EXT1: variants seen among roughly 807,000 people sequenced by gnomAD.
The protein encoded by EXT1 is exostosin glycosyltransferase 1.
In EXT1, 20 loss-of-function variants were observed where a neutral mutation model predicts 82.5. The ratio of observed to expected loss-of-function variants is 0.24; its 90% CI spans 0.17 to 0.35. EXT1 has a LOEUF of 0.35. Among genes scored for constraint, EXT1 ranks in the 10% least tolerant of loss-of-function variants. The pLI is 1.00. For synonymous variants in EXT1, 348 were observed against 350.8 expected, an observed-to-expected ratio of 0.99 and a Z score of 0.09; for missense variants, 757 against 936.5, an observed-to-expected ratio of 0.81 and a Z score of 2.50.
chr8:118,099,178 T>C (rs1220080161), intron 1 of EXT1, among the ~76,000 whole-genome samples: 3 of 152,230 alleles, frequency 2.0e-5, no homozygotes, highest in Admixed American at 6.5e-5. Flanking sequence ...CAGTAGGTGT[T>C]GGACTTGGAA....
intron 1 of EXT1, among the ~76,000 whole-genome samples, chr8:117,895,087 G>C (rs549292188): frequency 6.6e-6 from 1 of 152,094 alleles, no homozygotes; most frequent in Non-Finnish European, 1.5e-5. Flanking sequence ...CTGTCAATTC[G>C]ATCATGATGT....
intron 10 of EXT1, among the ~76,000 whole-genome samples, chr8:117,802,902 C>G (rs117537948): frequency 1.7e-3 from 252 of 152,300 alleles, no homozygotes; most frequent in Admixed American, 3.9e-3. Flanking sequence ...TACTAAATAA[C>G]TTTTTATAAA....
chr8:118,037,189 T>C lies in EXT1; in HGVS notation c.962+72896A>G, dbSNP rs532685590. On this transcript the variant is annotated intron_variant, in intron 1 of 10. Coordinates refer to ENST00000378204, the MANE Select transcript of EXT1 (RefSeq NM_000127.3). ...CTTCAGAATGTTTTCCAGAATAATC[T>C]AAGTAAAATGTCTGTGGGAAACAAA... 3.3e-5 allele frequency among the ~76,000 whole-genome samples: 5 copies of C among 152,228 alleles called. No individual in the cohort carries two copies. In the South Asian group the frequency reaches 1.0e-3, roughly 32 times the overall value.
chr8:117,955,804 G>A (rs530456633), intron 1 of EXT1, among the ~76,000 whole-genome samples: 4 of 152,238 alleles, frequency 2.6e-5, no homozygotes, highest in African/African-American at 9.6e-5. Flanking sequence ...CAATTTGCCT[G>A]CCTTAGCCTC....
chr8:117,965,119 A>G (rs1163065628), intron 1 of EXT1, among the ~76,000 whole-genome samples: 1 of 150,494 alleles, frequency 6.6e-6, no homozygotes, highest in Non-Finnish European at 1.5e-5. Context: ...TGAGATACGT[A>G]GTGTCTTGTT....
chr8:117,801,645 A>T (rs1175886425), intron 10 of EXT1, among the ~76,000 whole-genome samples: 3 of 152,194 alleles, frequency 2.0e-5, no homozygotes, highest in African/African-American at 2.4e-5. Context: ...ATCTGGGATT[A>T]CAGGTGCACA....
At chr8:117,895,000 G>A (rs1265159396) in intron 1 of EXT1, among the ~76,000 whole-genome samples, 2 of 152,158 alleles carry the variant, frequency 1.3e-5, no homozygotes, top group Non-Finnish European at 2.9e-5. Flanking sequence ...GCATCAACTG[G>A]CAAATACAAT....
At chr8:117,890,123 A>AGG (rs1813217779) in intron 1 of EXT1, among the ~76,000 whole-genome samples, 1 of 152,226 alleles carries the variant, frequency 6.6e-6, no homozygotes, top group Non-Finnish European at 1.5e-5. Flanking sequence ...ATAGTAACTT[A>AGG]TTTCAGTGGT....
intron 1 of EXT1, among the ~76,000 whole-genome samples, chr8:118,069,116 C>T (rs1285742508): frequency 6.6e-6 from 1 of 152,182 alleles, no homozygotes; most frequent in Non-Finnish European, 1.5e-5. Flanking sequence ...GGAAGCAAGT[C>T]ATACGAAATA....
chr8:118,024,795 G>A (rs943264488), intron 1 of EXT1, among the ~76,000 whole-genome samples: 1 of 152,218 alleles, frequency 6.6e-6, no homozygotes, highest in Non-Finnish European at 1.5e-5. Flanking sequence ...AGGCTGGAGA[G>A]TTGGAGGGAA....
chr8:118,091,499 G>A (rs1817523109), intron 1 of EXT1, among the ~76,000 whole-genome samples: 1 of 152,142 alleles, frequency 6.6e-6, no homozygotes, highest in Admixed American at 6.5e-5. Context: ...AGCACTTTGG[G>A]AGGCCGAGGC....
chr8:118,061,269 C>T (rs879621676), intron 1 of EXT1, among the ~76,000 whole-genome samples: 4 of 152,140 alleles, frequency 2.6e-5, no homozygotes, highest in Non-Finnish European at 4.4e-5. Context: ...ACAAAGACAG[C>T]TCATGCAAAA....
At chr8:117,875,465 T>A (rs967334400) in intron 1 of EXT1, among the ~76,000 whole-genome samples, 8 of 137,956 alleles carry the variant, frequency 5.8e-5, no homozygotes, top group Admixed American at 1.5e-4. Flanking sequence ...AATAAATAAA[T>A]AAAATAATAA....
intron 1 of EXT1, among the ~76,000 whole-genome samples, chr8:117,843,302 T>C (rs910324663): frequency 3.3e-5 from 5 of 152,176 alleles, no homozygotes; most frequent in African/African-American, 9.7e-5. Flanking sequence ...ACAACATGTG[T>C]TATCAAATGA....
rs1455203965 is a variant in EXT1, at chr8:117,837,101, C to T, written c.1056+7G>A. The T allele has an allele frequency of 1.2e-6, 2 of 1,612,472 alleles. No individual in the cohort carries two copies. The highest frequency in any genetic ancestry group is 1.3e-5 in the African/African-American group (1 of 74,900). On this transcript the variant is annotated splice_region_variant and intron_variant, in intron 2 of 10. Coordinates refer to ENST00000378204, the MANE Select transcript of EXT1 (RefSeq NM_000127.3). ...CCCTATTCTGGGAAGGCTCCAGGGC[C>T]TCTTACCTGCAAAGCCTCCAGGAAT... is the stretch of plus-strand genomic sequence containing the variant.
chr8:117,804,470 T>C (rs1027989514), intron 10 of EXT1, among the ~76,000 whole-genome samples: 3 of 152,240 alleles, frequency 2.0e-5, no homozygotes, highest in South Asian at 2.1e-4. Context: ...TCTAAAGACA[T>C]ATCTTTCTCA....
intron 1 of EXT1, among the ~76,000 whole-genome samples, chr8:117,890,881 A>C (rs567110724): frequency 6.6e-6 from 1 of 152,320 alleles, no homozygotes; most frequent in East Asian, 1.9e-4. Flanking sequence ...TATCACCGTT[A>C]GCTTGAAAGA....
At chr8:117,942,681 A>G (rs985489270) in intron 1 of EXT1, among the ~76,000 whole-genome samples, 1 of 152,210 alleles carries the variant, frequency 6.6e-6, no homozygotes, top group African/African-American at 2.4e-5. Flanking sequence ...ATTGCACTCC[A>G]GTCTGAGCAA....
intron 1 of EXT1, among the ~76,000 whole-genome samples, chr8:117,898,595 G>A (rs1366220457): frequency 6.6e-6 from 1 of 152,152 alleles, no homozygotes; most frequent in Non-Finnish European, 1.5e-5. Flanking sequence ...TACTTTTCTA[G>A]GTTTGGTAAA....
Sources: allele counts gnomAD v4.1 joint callset (sites outside exome capture counted in the v4.1 genomes callset), GRCh38; gene constraint gnomAD v4.1.1; transcripts MANE v1.5; gene names NCBI Gene and HGNC (gene_info 2026-07-23, HGNC 2026-07-21).